KMT2E: variants seen among roughly 807,000 people sequenced by gnomAD.
The protein encoded by KMT2E is lysine methyltransferase 2E (inactive).
A neutral mutation model predicts 184.6 loss-of-function variants in KMT2E; 30 were observed. The ratio of observed to expected loss-of-function variants is 0.16; its 90% CI spans 0.12 to 0.22. KMT2E has a LOEUF of 0.22. Ranked by LOEUF, KMT2E falls within the 10% of genes least tolerant of loss-of-function variation. The pLI is 1.00. For missense variants in KMT2E, 2,023 were observed against 2,237.4 expected (o/e 0.90, Z 1.93); for synonymous variants, 815 against 776.5 (o/e 1.05, Z -0.82).
intron 1 of KMT2E, among the ~76,000 whole-genome samples, chr7:105,033,201 A>G (rs1168841045): frequency 6.6e-6 from 1 of 152,196 alleles, no homozygotes; most frequent in African/African-American, 2.4e-5. Context: ...CTATTTTTTC[A>G]TGTTACAATC....
chr7:105,052,323 C>T (rs937374183), intron 3 of KMT2E, among the ~76,000 whole-genome samples: 1 of 152,192 alleles, frequency 6.6e-6, no homozygotes, highest in African/African-American at 2.4e-5. Context: ...TCAAATATCA[C>T]ATACTAGTGA....
chr7:105,061,385 G>T (rs1357135431), intron 3 of KMT2E, among the ~76,000 whole-genome samples: 1 of 152,176 alleles, frequency 6.6e-6, no homozygotes, highest in East Asian at 1.9e-4. Flanking sequence ...TCATGTTATT[G>T]AGTATTTGCA....
At chr7:105,087,823 C>CCTTTT (rs1322154986) in intron 13 of KMT2E, among the ~76,000 whole-genome samples, 1 of 103,862 alleles carries the variant, frequency 9.6e-6, no homozygotes, top group Non-Finnish European at 2.1e-5. Flanking sequence ...TGTTTTCTTG[C>CCTTTT]TTTTTTTTTT....
At chr7:105,070,192 G>A (rs1356484971) in intron 6 of KMT2E, among the ~76,000 whole-genome samples, 1 of 151,554 alleles carries the variant, frequency 6.6e-6, no homozygotes, top group Non-Finnish European at 1.5e-5. Flanking sequence ...CCCCTCTCTG[G>A]GTTAAATGCC....
intron 3 of KMT2E, among the ~76,000 whole-genome samples, chr7:105,043,724 G>A (rs1055714573): frequency 1.3e-5 from 2 of 152,140 alleles, no homozygotes; most frequent in African/African-American, 4.8e-5. Flanking sequence ...TTCCTTTAAA[G>A]TTTTTGATGT....
chr7:105,074,245 TAAGTC>T (rs1252334473), intron 7 of KMT2E, among the ~76,000 whole-genome samples: 2 of 152,220 alleles, frequency 1.3e-5, no homozygotes, highest in Non-Finnish European at 2.9e-5. Context: ...CCCTCTTGCA[TAAGTC>T]TTTTTGTACT....
chr7:105,078,038 A>T (rs1458763374), intron 11 of KMT2E, among the ~76,000 whole-genome samples: 10 of 152,214 alleles, frequency 6.6e-5, no homozygotes, highest in Admixed American at 6.5e-4. Flanking sequence ...TCATATCTGT[A>T]GGAGAACATT....
rs1193481966 is a variant in KMT2E, at chr7:105,109,064, T to C, written c.3591T>C (p.Asp1197=). The C allele has an allele frequency of 6.2e-7, 1 of 1,614,202 alleles. No homozygotes were observed. The highest frequency in any genetic ancestry group is 1.7e-5 in the Admixed American group (1 of 60,028). Residue 1197 remains aspartate (D), a synonymous_variant, in exon 23 of 27, where the codon GAT becomes GAC. Coordinates refer to ENST00000311117, the MANE Select transcript of KMT2E (RefSeq NM_182931.3). The part of the protein sequence containing the change: ...HASGSLSNNG[D]GCASSNDNGE... Reference sequence around the variant, plus strand: ...GTGGAAGCTTGAGCAACAATGGTGATGGCTGTGCCAGCAGTAATGACAATG... The same window carrying C: ...GTGGAAGCTTGAGCAACAATGGTGACGGCTGTGCCAGCAGTAATGACAATG...
At chr7:105,076,215 G>A (rs1360075616) in intron 9 of KMT2E, 134 bp downstream of exon 9, 1 of 619,854 alleles carries the variant, frequency 1.6e-6, no homozygotes, top group African/African-American at 1.9e-5. Context: ...TACCAGGAGT[G>A]GGACCTTAGT....
rs199648604 is a variant in KMT2E, at chr7:105,113,246, A to C, written c.5490A>C (p.Ala1830=). The C allele has an allele frequency of 1.9e-6, 3 of 1,614,236 alleles. No homozygotes were observed. Among genetic ancestry groups the C allele is most frequent in the African/African-American group, 1.3e-5 (1 of 75,078 alleles). ...LPHGVQGPQQ[A]SPVPGQIPIH... ...ATGGGGTTCAAGGACCTCAGCAGGC[A>C]TCTCCAGTGCCTGGACAGATTCCAA... The change falls in exon 27 of 27, where the codon GCA becomes GCC. Residue 1830 remains alanine, a synonymous_variant. Coordinates refer to ENST00000311117, the MANE Select transcript of KMT2E (RefSeq NM_182931.3).
chr7:105,058,005 C>T (rs1478959566), intron 3 of KMT2E, among the ~76,000 whole-genome samples: 1 of 152,186 alleles, frequency 6.6e-6, no homozygotes, highest in African/African-American at 2.4e-5. Flanking sequence ...TTGAATCTCT[C>T]TTCATCTATA....
chr7:105,053,081 AT>A (rs1461006026), intron 3 of KMT2E, among the ~76,000 whole-genome samples: 35 of 152,306 alleles, frequency 2.3e-4, no homozygotes, highest in African/African-American at 7.9e-4. Flanking sequence ...AAAGTCCCTC[AT>A]ATATAAATAG....
chr7:105,075,514 C>T (rs893766884), intron 8 of KMT2E, among the ~76,000 whole-genome samples: 7 of 152,216 alleles, frequency 4.6e-5, no homozygotes, highest in African/African-American at 1.7e-4. Flanking sequence ...TTTACTCCCT[C>T]CCAAAACATG....
intron 3 of KMT2E, chr7:105,061,941 A>T: frequency 2.8e-6 from 1 of 363,104 alleles, no homozygotes. Flanking sequence ...GGGAAACTAT[A>T]TTTGAAATTG....
intron 1 of KMT2E, among the ~76,000 whole-genome samples, chr7:105,029,622 A>AT (rs1390781653): frequency 6.6e-6 from 1 of 152,126 alleles, no homozygotes; most frequent in Non-Finnish European, 1.5e-5. Context: ...GGCACAAAAG[A>AT]TTGGGTGGCT....
chr7:105,071,602 ATATATATTTTTTT>A (rs1333407653), intron 6 of KMT2E, among the ~76,000 whole-genome samples: 1 of 66,614 alleles, frequency 1.5e-5, no homozygotes, highest in East Asian at 4.9e-4. Context: ...ATATATATAT[ATATATATTTTTTT>A]TTTTTTTTTT....
intron 1 of KMT2E, among the ~76,000 whole-genome samples, chr7:105,028,472 G>T (rs1770756908): frequency 6.6e-6 from 1 of 151,842 alleles, no homozygotes; most frequent in African/African-American, 2.4e-5. Context: ...AGTCGAGACT[G>T]AGACATTTCT....
At chr7:105,078,990 G>A (rs1295318709) in intron 12 of KMT2E, 27 bp downstream of exon 12, 1 of 1,250,768 alleles carries the variant, frequency 8.0e-7, no homozygotes, top group Non-Finnish European at 1.2e-6. Context: ...TTTTTGGGGA[G>A]ATGTGGGTGC....
chr7:105,019,683 G>C (rs1794865507), intron 1 of KMT2E, among the ~76,000 whole-genome samples: 1 of 152,186 alleles, frequency 6.6e-6, no homozygotes, highest in South Asian at 2.1e-4. Context: ...GATAAGCAAT[G>C]ATCTATGTAG....
Sources: gnomAD v4.1 joint callset for allele counts (sites outside exome capture counted in the v4.1 genomes callset) on GRCh38, gnomAD v4.1.1 for gene constraint, MANE v1.5 for transcripts, NCBI Gene and HGNC (gene_info 2026-07-23, HGNC 2026-07-21) for gene names.